ZSWIM2: variants seen among roughly 807,000 people sequenced by gnomAD.
ZSWIM2 encodes E3 ubiquitin-protein ligase ZSWIM2.
Under a neutral mutation model 48.4 loss-of-function variants are expected in ZSWIM2, and 38 were observed. The observed-to-expected ratio is 0.79, with a 90% CI of 0.61 to 1.03. ZSWIM2 has a LOEUF of 1.03. ZSWIM2 is among the 50% of genes least tolerant of loss of function. ZSWIM2 has a pLI of 0.00. For missense variants in ZSWIM2, 776 were observed against 730.2 expected (o/e 1.06, Z -0.72); for synonymous variants, 240 against 251.3 (o/e 0.96, Z 0.42).
chr2:186,837,661 G>C (rs1223064623), intron 4 of ZSWIM2, 107 bp from the exon 5 acceptor site: 2 of 388,274 alleles, frequency 5.2e-6, no homozygotes, highest in Non-Finnish European at 7.2e-6. Context: ...AAAATTTCCT[G>C]TGCTACCATC....
chr2:186,837,279 T>G (rs575322288), intron 5 of ZSWIM2, 27 bp downstream of exon 5: 5 of 1,606,690 alleles, frequency 3.1e-6, no homozygotes, highest in East Asian at 2.2e-5. Context: ...AAAGAACACA[T>G]GCTTATAATT....
In ZSWIM2 at chr2:186,828,149, A is replaced by G. The variant is rs1170309301; in HGVS notation, c.1737T>C (p.Leu579=). The G allele has an allele frequency of 1.2e-6, 2 of 1,613,458 alleles. No homozygotes were observed. Among genetic ancestry groups the G allele is most frequent in the Non-Finnish European group, 8.5e-7 (1 of 1,179,714 alleles). Residue 579 remains leucine, a synonymous_variant, in exon 9 of 9, where the codon CTT becomes CTC. Coordinates refer to ENST00000295131, the MANE Select transcript of ZSWIM2 (RefSeq NM_182521.3). ...GTTTAGCTGTGCTCCAATTGACAAT[A>G]AGATTGAAATCCTCTGGAAGTAAAG... The part of the protein sequence containing the change: ...RSTLLPEDFN[L]IVNWSTAKLS...
Position 186,829,814 on chromosome 2 carries a change from C to T in ZSWIM2, c.1008G>A (p.Lys336=). The change falls in exon 8 of 9, where the codon AAG becomes AAA. Residue 336 remains lysine, a synonymous_variant. Coordinates refer to ENST00000295131, the MANE Select transcript of ZSWIM2 (RefSeq NM_182521.3). ...GACACTGGTAGCCTGGAGCAAGCAG[C>T]TTACTATTCTTAGTAATCAGTTGGA... The part of the protein sequence containing the change: ...LPLQLITKNS[K]LLAPGYQCLL... The T allele has an allele frequency of 6.2e-7, 1 of 1,613,630 alleles. No individual in the cohort carries two copies. The highest frequency in any genetic ancestry group is 8.5e-7 in the Non-Finnish European group (1 of 1,179,738).
At chr2:186,831,616 G>A (rs983643421) in intron 7 of ZSWIM2, among the ~76,000 whole-genome samples, 1 of 151,752 alleles carries the variant, frequency 6.6e-6, no homozygotes, top group Non-Finnish European at 1.5e-5. Flanking sequence ...CAAAGACTTG[G>A]AACCAACCCA....
At chr2:186,831,251 C>G (rs536746043) in intron 7 of ZSWIM2, among the ~76,000 whole-genome samples, 1 of 151,928 alleles carries the variant, frequency 6.6e-6, no homozygotes, top group African/African-American at 2.4e-5. Context: ...CATTTTACGC[C>G]CCACAAGAGC....
rs10195632 is a variant in ZSWIM2 at position 186,828,276 on chromosome 2, A to T, written c.1610T>A (p.Phe537Tyr). The change falls in exon 9 of 9, where the codon TTT becomes TAT. Residue 537 changes from phenylalanine to tyrosine, a missense_variant. Phe to Tyr is a conservative substitution (Grantham distance 22, BLOSUM62 3). Coordinates refer to ENST00000295131, the MANE Select transcript of ZSWIM2 (RefSeq NM_182521.3). ...AMESPCISGKFHTSLSRMTKG... is the reference protein window; with the variant it reads ...AMESPCISGKYHTSLSRMTKG... ...GGTCATCCGGCTTAGACTAGTGTGA[A>T]ATTTTCCACTGATGCATGGACTTTC... 191,592 of 1,610,372 alleles carry T rather than the reference A, an allele frequency of 0.12. 15,151 individuals are homozygous for T. The highest frequency in any genetic ancestry group is 0.4 in the African/African-American group (30,026 of 74,598).
rs1553517375 is a variant in ZSWIM2 at position 186,837,612 on chromosome 2, G to GTATATATATATATATATTA, written c.495-77_495-59dup. On this transcript the variant is annotated intron_variant, in intron 4 of 8. Transcript: ENST00000295131. ...TATAGAGCAGTTTTACATATCCATT[G>GTATATATATATATATATTA]TATATATATATATATATTATATATA... 1.5e-3 allele frequency: 714 copies of GTATATATATATATATATTA among 488,026 alleles called. 2 individuals are homozygous for GTATATATATATATATATTA. Among genetic ancestry groups the GTATATATATATATATATTA allele is most frequent in the African/African-American group, 0.015 (689 of 47,142 alleles). The allele number at this position is 488,026 out of a possible 1,614,324, so 30.2% of individuals were successfully genotyped here.
Position 186,828,651 on chromosome 2 carries a change from T to G in ZSWIM2, c.1235A>C (p.Asp412Ala). 1.2e-6 allele frequency: 2 copies of G among 1,613,322 alleles called. No individual in the cohort carries two copies. The highest frequency in any genetic ancestry group is 1.7e-6 in the Non-Finnish European group (2 of 1,179,644). The change falls in exon 9 of 9, where the codon GAC becomes GCC. Residue 412 changes from aspartate to alanine, a missense_variant. Transcript: ENST00000295131. ...TTTCTGCTTTGATAGATGAATGATG[T>G]CTCTGTTTGAAACAGACTGATGTGC... ...GQAHQSVSNR[D>A]IIHLSKQKEP...
chr2:186,827,990 T>C lies in ZSWIM2; in HGVS notation c.1896A>G (p.Gln632=), dbSNP rs759392946. The stretch of plus-strand genomic sequence containing the variant: ...TTTCAGATAGTAAACTTTTTCACAA[T>C]TGAACTCCTTCTATTATTAAAGATA... The part of the protein sequence containing the change: ...TELSLIIEGV[Q]L The change falls in exon 9 of 9, where the codon CAA becomes CAG. Residue 632 remains glutamine, a synonymous_variant. Coordinates refer to ENST00000295131, the MANE Select transcript of ZSWIM2 (RefSeq NM_182521.3). 13 of 1,565,496 alleles carry C rather than the reference T, an allele frequency of 8.3e-6. No homozygotes were observed. Among genetic ancestry groups the C allele is most frequent in the East Asian group, 2.3e-5 (1 of 44,412 alleles).
At chr2:186,838,313 G>A (rs1036245691) in intron 4 of ZSWIM2, among the ~76,000 whole-genome samples, 9 of 149,750 alleles carry the variant, frequency 6.0e-5, no homozygotes, top group African/African-American at 2.2e-4. Flanking sequence ...AGAATGAAAG[G>A]GATGAAAGAA....
chr2:186,831,200 T>C (rs1691692961), intron 7 of ZSWIM2, among the ~76,000 whole-genome samples: 1 of 152,106 alleles, frequency 6.6e-6, no homozygotes, highest in Non-Finnish European at 1.5e-5. Context: ...AGTATGATGC[T>C]TGTGCAGGGA....
chr2:186,837,324 A>G lies in ZSWIM2; in HGVS notation c.725T>C (p.Ile242Thr), dbSNP rs753546841. 11 of 1,612,640 alleles carry G rather than the reference A, an allele frequency of 6.8e-6. No homozygotes were observed. The South Asian group carries it at 9.9e-5, about 14-fold the overall frequency. ...IPCNNCKQFP[I>T]EGKCYKCTEC... Reference sequence around the variant, plus strand: ...CACTTACTTATAACACTTCCCCTCAATTGGAAACTGTTTGCAGTTATTACA... The same window carrying G: ...CACTTACTTATAACACTTCCCCTCAGTTGGAAACTGTTTGCAGTTATTACA... Residue 242 changes from isoleucine to threonine, a missense_variant, in exon 5 of 9, where the codon ATT (isoleucine) becomes ACT (threonine). Coordinates refer to ENST00000295131, the MANE Select transcript of ZSWIM2 (RefSeq NM_182521.3).
intron 8 of ZSWIM2, 151 bp downstream of exon 8, chr2:186,829,576 C>A (rs1691661909): frequency 1.6e-6 from 1 of 640,378 alleles, no homozygotes; most frequent in East Asian, 3.0e-5. Flanking sequence ...TCTCGATAGT[C>A]TCTGTGGTAG....
chr2:186,829,556 A>G (rs372243955), intron 8 of ZSWIM2, among the ~76,000 whole-genome samples, 171 bp downstream of exon 8: 13 of 152,270 alleles, frequency 8.5e-5, no homozygotes, highest in African/African-American at 3.1e-4. Flanking sequence ...CCTCAGGGAG[A>G]AAGCTGCCTT....
chr2:186,842,092 T>C (rs565417278), intron 3 of ZSWIM2, among the ~76,000 whole-genome samples: 65 of 151,342 alleles, frequency 4.3e-4, no homozygotes, highest in African/African-American at 1.5e-3. Flanking sequence ...GTTTCTTATA[T>C]GCAACACTGG....
chr2:186,847,078 T>C (rs3100041), intron 2 of ZSWIM2, among the ~76,000 whole-genome samples: 84,338 of 146,940 alleles, frequency 0.57, 24,748 homozygotes, highest in East Asian at 0.86. Flanking sequence ...GGGTACAATG[T>C]TCACTATTGG....
intron 7 of ZSWIM2, among the ~76,000 whole-genome samples, chr2:186,832,841 A>C (rs1218645765): frequency 1.3e-5 from 2 of 152,118 alleles, no homozygotes; most frequent in Non-Finnish European, 2.9e-5. Context: ...GTTGGTTTTA[A>C]CAATTATTCC....
At position 186,828,794 on chromosome 2, in the gene ZSWIM2, T is replaced by TA. The variant is rs59504667; in HGVS notation, c.1096-5dup. ...TGTCAATACACTTCCTGTGAAACTTTAAAAAAAAGGTAAGCTAATCAGAAC... is the reference window on the plus strand; with the variant it reads ...TGTCAATACACTTCCTGTGAAACTTTAAAAAAAAAGGTAAGCTAATCAGAAC... On this transcript the variant is annotated splice_region_variant and splice_polypyrimidine_tract_variant and intron_variant, in intron 8 of 8. Transcript: ENST00000295131. The TA allele has an allele frequency of 2.8e-5, 42 of 1,497,294 alleles. No individual in the cohort carries two copies. Among genetic ancestry groups the TA allele is most frequent in the South Asian group, 8.5e-5 (6 of 70,966 alleles). 92.8% of individuals were successfully genotyped at this position (1,497,294 alleles called of 1,614,324 possible). A position where few individuals can be genotyped will look rare whatever the true frequency, so the allele number is the denominator to read the frequency against.
chr2:186,837,451 C>G lies in ZSWIM2; in HGVS notation c.598G>C (p.Glu200Gln). The G allele has an allele frequency of 6.2e-7, 1 of 1,612,676 alleles. No homozygotes were observed. Residue 200 changes from glutamate (E) to glutamine (Q), a missense_variant, in exon 5 of 9, where the codon GAG becomes CAG. Physicochemically the swap from Glu to Gln is conservative, Grantham distance 29 (BLOSUM62 2). Transcript: ENST00000295131. ...AAAATCAGTTTTAATGGTGCAAACT[C>G]TTTCCTGCACAGAGGACATTTCAAC... is the stretch of plus-strand genomic sequence containing the variant. The part of the protein sequence containing the change: ...SMLKCPLCRK[E>Q]FAPLKLILEE...
Sources: allele counts gnomAD v4.1 joint callset (sites outside exome capture counted in the v4.1 genomes callset), GRCh38; gene constraint gnomAD v4.1.1; transcripts MANE v1.5; gene names NCBI Gene and HGNC (gene_info 2026-07-23, HGNC 2026-07-21).